WDR70: variants seen among roughly 807,000 people sequenced by gnomAD.
The protein encoded by WDR70 is WD repeat domain 70, also known as WD repeat-containing protein 70.
WDR70 carries 53 observed loss-of-function variants against 88.6 expected under a neutral mutation model. The ratio of observed to expected loss-of-function variants is 0.60; its 90% CI spans 0.48 to 0.75. The LOEUF (loss-of-function observed/expected upper bound fraction) is 0.75, where lower values mean the gene tolerates loss of function less well. Ranked by LOEUF, WDR70 falls within the 30% of genes least tolerant of loss-of-function variation. The pLI, the probability that WDR70 is intolerant of heterozygous loss-of-function variation, is 0.00. For missense variants in WDR70, 610 were observed against 823.2 expected (o/e 0.74, Z 3.17); for synonymous variants, 280 against 270.0 (o/e 1.04, Z -0.36).
intron 5 of WDR70, among the ~76,000 whole-genome samples, chr5:37,398,577 CTG>C (rs749464078): frequency 2.6e-5 from 4 of 152,134 alleles, no homozygotes; most frequent in Non-Finnish European, 5.9e-5. Context: ...CAATTTGCGT[CTG>C]TCTGTAGTTG....
chr5:37,631,311 CAG>C (rs760765692), intron 10 of WDR70, among the ~76,000 whole-genome samples: 3 of 152,146 alleles, frequency 2.0e-5, no homozygotes, highest in Non-Finnish European at 4.4e-5. Context: ...ACTAAATCAA[CAG>C]AGTTTGCCCA....
intron 7 of WDR70, among the ~76,000 whole-genome samples, chr5:37,479,127 T>C (rs1275536389): frequency 6.6e-6 from 1 of 152,050 alleles, no homozygotes; most frequent in African/African-American, 2.4e-5. Context: ...ATTTCTACCA[T>C]TGTAATGAAA....
intron 6 of WDR70, among the ~76,000 whole-genome samples, 165 bp downstream of exon 6, chr5:37,438,146 A>G (rs1051617206): frequency 6.6e-6 from 1 of 152,206 alleles, no homozygotes; most frequent in African/African-American, 2.4e-5. Flanking sequence ...CAGTCAAAAT[A>G]GCCATTTCCT....
At chr5:37,514,352 ATATATATGTATG>A (rs1201750652) in intron 8 of WDR70, among the ~76,000 whole-genome samples, 2 of 59,752 alleles carry the variant, frequency 3.3e-5, no homozygotes, top group African/African-American at 7.4e-5. Context: ...ATATATATAT[ATATATATGTATG>A]TATGTATGTT....
intron 7 of WDR70, among the ~76,000 whole-genome samples, chr5:37,443,619 G>T (rs554266723): frequency 6.6e-6 from 1 of 152,194 alleles, no homozygotes; most frequent in Non-Finnish European, 1.5e-5. Context: ...TTAGAAAGCC[G>T]AGGCAGGCGG....
At chr5:37,644,445 C>T (rs917903903) in intron 10 of WDR70, among the ~76,000 whole-genome samples, 5 of 151,698 alleles carry the variant, frequency 3.3e-5, no homozygotes, top group Non-Finnish European at 7.4e-5. Context: ...TCATTTTCTT[C>T]TTTTCATGTG....
At chr5:37,415,414 A>G (rs1581260460) in intron 5 of WDR70, among the ~76,000 whole-genome samples, 1 of 63,820 alleles carries the variant, frequency 1.6e-5, no homozygotes, top group African/African-American at 4.0e-5. Context: ...CGGGGGGCTG[A>G]CCCCCCCACC....
At chr5:37,548,254 C>T (rs1742049793) in intron 9 of WDR70, among the ~76,000 whole-genome samples, 1 of 152,174 alleles carries the variant, frequency 6.6e-6, no homozygotes, top group Admixed American at 6.5e-5. Context: ...TATGAATTTA[C>T]ATTCCCAACA....
At chr5:37,583,879 T>A (rs1289261503) in intron 9 of WDR70, among the ~76,000 whole-genome samples, 1 of 152,196 alleles carries the variant, frequency 6.6e-6, no homozygotes, top group Non-Finnish European at 1.5e-5. Context: ...CTTTTATAGA[T>A]ATGGAAAATT....
intron 8 of WDR70, among the ~76,000 whole-genome samples, chr5:37,485,181 A>G (rs1194231020): frequency 1.3e-5 from 2 of 152,192 alleles, no homozygotes; most frequent in African/African-American, 4.8e-5. Flanking sequence ...CTTTTGTAAT[A>G]CAGTAATTCT....
chr5:37,654,177 A>C (rs1412426238), intron 10 of WDR70, among the ~76,000 whole-genome samples: 1 of 152,064 alleles, frequency 6.6e-6, no homozygotes, highest in Non-Finnish European at 1.5e-5. Context: ...GAACTTATTT[A>C]TTTCTGCTTT....
intron 5 of WDR70, among the ~76,000 whole-genome samples, chr5:37,433,942 AAAT>A (rs533291268): frequency 1.2e-3 from 178 of 152,340 alleles, no homozygotes; most frequent in African/African-American, 4.0e-3. Context: ...GTATGTAATT[AAAT>A]AATAAATGTT....
At chr5:37,450,239 T>A (rs1162399157) in intron 7 of WDR70, among the ~76,000 whole-genome samples, 1 of 152,196 alleles carries the variant, frequency 6.6e-6, no homozygotes, top group African/African-American at 2.4e-5. Flanking sequence ...GTAGAATGAT[T>A]TATAATCCTT....
chr5:37,643,582 A>G (rs563594098), intron 10 of WDR70, among the ~76,000 whole-genome samples: 2 of 151,888 alleles, frequency 1.3e-5, no homozygotes, highest in African/African-American at 2.4e-5. Context: ...TTTGAATAGT[A>G]TGGGCATTTT....
intron 8 of WDR70, among the ~76,000 whole-genome samples, chr5:37,510,221 T>G (rs1175150936): frequency 6.6e-6 from 1 of 152,204 alleles, no homozygotes; most frequent in African/African-American, 2.4e-5. Flanking sequence ...GTCTCATTGC[T>G]TTATTTTCAC....
At chr5:37,519,658 G>A (rs562383327) in intron 9 of WDR70, among the ~76,000 whole-genome samples, 114 of 139,502 alleles carry the variant, frequency 8.2e-4, no homozygotes, top group African/African-American at 2.9e-3. Context: ...GCGGCCGGGC[G>A]GAGGCGCTCC....
intron 10 of WDR70, among the ~76,000 whole-genome samples, chr5:37,609,158 G>A (rs1744116295): frequency 6.6e-6 from 1 of 152,066 alleles, no homozygotes; most frequent in Admixed American, 6.6e-5. Flanking sequence ...TTTGGGGTAG[G>A]GGGAGAGGAG....
chr5:37,433,732 A>T (rs1247596412), intron 5 of WDR70, among the ~76,000 whole-genome samples: 2 of 152,170 alleles, frequency 1.3e-5, no homozygotes, highest in African/African-American at 4.8e-5. Flanking sequence ...AGATACCAGA[A>T]ATCTCTTTTC....
chr5:37,481,329 G>T (rs1739662186), intron 8 of WDR70, among the ~76,000 whole-genome samples: 1 of 150,766 alleles, frequency 6.6e-6, no homozygotes, highest in Non-Finnish European at 1.5e-5. Context: ...TATCCATGAG[G>T]GCCCCCCCCG....
Sources: allele counts gnomAD v4.1 joint callset (sites outside exome capture counted in the v4.1 genomes callset), GRCh38; gene constraint gnomAD v4.1.1; transcripts MANE v1.5; gene names NCBI Gene and HGNC (gene_info 2026-07-23, HGNC 2026-07-21).